Variants in GPR89A observed in about 807,000 individuals in gnomAD.
GPR89A encodes golgi pH regulator A.
In GPR89A, 16 loss-of-function variants were observed where a neutral mutation model predicts 52.0. That is an observed-to-expected ratio of 0.31 (90% CI 0.21 to 0.47). The LOEUF is 0.47. Ranked by LOEUF, GPR89A falls within the 20% of genes least tolerant of loss-of-function variation. The probability of loss-of-function intolerance (pLI) is 1.00; values close to 1 mark genes in which losing one functional copy is unlikely to be tolerated. For synonymous variants in GPR89A, 55 were observed against 150.9 expected, an observed-to-expected ratio of 0.36 and a Z score of 4.66; for missense variants, 135 against 449.4, an observed-to-expected ratio of 0.30 and a Z score of 6.33.
intron 3 of GPR89A, among the ~76,000 whole-genome samples, chr1:145,621,095 A>G (rs2101747223): frequency 6.6e-6 from 1 of 152,130 alleles, no homozygotes; most frequent in African/African-American, 2.4e-5. Flanking sequence ...CCTGTAGGGT[A>G]GCTTTTACTG....
intron 1 of GPR89A, among the ~76,000 whole-genome samples, chr1:145,613,818 G>A (rs1193952493): frequency 2.0e-5 from 3 of 150,972 alleles, no homozygotes; most frequent in Admixed American, 1.3e-4. Context: ...ACAGGGTTTC[G>A]CTCTGTCACC....
intron 1 of GPR89A, among the ~76,000 whole-genome samples, chr1:145,610,742 T>G (rs1232060390): frequency 6.6e-6 from 1 of 152,188 alleles, no homozygotes; most frequent in Non-Finnish European, 1.5e-5. Flanking sequence ...TGGCACATAT[T>G]AGGCACTAAT....
At chr1:145,608,205 G>T (rs587665457) in intron 1 of GPR89A, 30 bp downstream of exon 1, 12 of 1,613,592 alleles carry the variant, frequency 7.4e-6, no homozygotes, top group African/African-American at 1.3e-5. Context: ...CCCGACACCC[G>T]TCCGCCTCCC....
chr1:145,642,888 A>G (rs1471446974), intron 7 of GPR89A, among the ~76,000 whole-genome samples: 1 of 151,956 alleles, frequency 6.6e-6, no homozygotes, highest in Non-Finnish European at 1.5e-5. Context: ...GAGCTGGGAC[A>G]TGCCAGCAGC....
intron 11 of GPR89A, 151 bp downstream of exon 11, chr1:145,663,575 T>A: frequency 1.6e-6 from 1 of 632,416 alleles, no homozygotes; most frequent in Non-Finnish European, 2.8e-6. Context: ...ACATGGAAAA[T>A]TTTTATATTT....
chr1:145,661,318 A>AG (rs1652185102), intron 10 of GPR89A, among the ~76,000 whole-genome samples: 1 of 41,692 alleles, frequency 2.4e-5, no homozygotes, highest in Non-Finnish European at 4.1e-5. Flanking sequence ...GGGTGGGGGG[A>AG]GGGGGGAGGG....
intron 5 of GPR89A, among the ~76,000 whole-genome samples, chr1:145,625,971 T>C (rs1649470304): frequency 6.7e-6 from 1 of 150,354 alleles, no homozygotes; most frequent in African/African-American, 2.5e-5. Context: ...TTTGAATCAG[T>C]GGATGGAAGA....
intron 7 of GPR89A, among the ~76,000 whole-genome samples, chr1:145,632,469 A>G (rs1649947127): frequency 6.6e-6 from 1 of 152,062 alleles, no homozygotes; most frequent in Admixed American, 6.6e-5. Context: ...TCACTGTTTT[A>G]GATTCCACAT....
At chr1:145,663,767 C>A (rs782808867) in intron 11 of GPR89A, among the ~76,000 whole-genome samples, 116 of 152,272 alleles carry the variant, frequency 7.6e-4, no homozygotes, top group Non-Finnish European at 1.3e-3. Flanking sequence ...TCAAATACTT[C>A]TCTCTGTGAT....
chr1:145,666,525 TTAAG>T (rs1194187472), intron 12 of GPR89A, among the ~76,000 whole-genome samples: 1 of 152,084 alleles, frequency 6.6e-6, no homozygotes, highest in African/African-American at 2.4e-5. Context: ...ATAAATGGCA[TTAAG>T]TAAGGACCTA....
chr1:145,658,619 T>C (rs1481566707), intron 10 of GPR89A, among the ~76,000 whole-genome samples: 1 of 146,844 alleles, frequency 6.8e-6, no homozygotes, highest in Non-Finnish European at 1.5e-5. Context: ...AGAGCAAGAC[T>C]GTCTTAAAAA....
At chr1:145,650,870 T>G (rs587669519) in intron 10 of GPR89A, among the ~76,000 whole-genome samples, 4 of 152,360 alleles carry the variant, frequency 2.6e-5, no homozygotes, top group African/African-American at 7.2e-5. Context: ...TTTCTTTAAG[T>G]TCCTTGTAGA....
At chr1:145,610,597 A>G (rs1460802148) in intron 1 of GPR89A, among the ~76,000 whole-genome samples, 2 of 152,096 alleles carry the variant, frequency 1.3e-5, no homozygotes, top group Non-Finnish European at 2.9e-5. Context: ...ACCTACTGCC[A>G]TAGTACCCTT....
rs1399685638 is a variant in GPR89A, at chr1:145,608,972, C to T, written c.42+797C>T. On this transcript the variant is annotated intron_variant, in intron 1 of 13. Coordinates refer to ENST00000313835, the MANE Select transcript of GPR89A (RefSeq NM_001097612.2). ...TTTCTTCCTAGCATTCATCATAGCA[C>T]TGGCATCATTTATGTCTGTGTTTCT... Among the ~76,000 whole-genome samples the T allele has an allele frequency of 7.9e-5, 12 of 152,104 alleles. No homozygotes were observed. The East Asian group carries it at 2.1e-3, about 27-fold the overall frequency.
chr1:145,636,116 G>T (rs1321160555), intron 7 of GPR89A, among the ~76,000 whole-genome samples: 2 of 152,054 alleles, frequency 1.3e-5, no homozygotes, highest in South Asian at 2.1e-4. Flanking sequence ...AATGGTTTGT[G>T]GTCCGACAGT....
rs1652423447 is a variant in GPR89A, at chr1:145,664,509, A to T, written c.1006-1053A>T. ...TAGAAAAAATATAAAAATTAGCTGG[A>T]CATGGTGGCATGCACCTGTAGTCCC... is the stretch of plus-strand genomic sequence containing the variant. On this transcript the variant is annotated intron_variant, in intron 11 of 13. Coordinates refer to ENST00000313835, the MANE Select transcript of GPR89A (RefSeq NM_001097612.2). Among the ~76,000 whole-genome samples, 4 of 150,282 alleles carry T rather than the reference A, an allele frequency of 2.7e-5. No homozygotes were observed. The Admixed American group carries it at 2.7e-4, about 10-fold the overall frequency.
chr1:145,627,552 AC>A (rs1649593287), intron 5 of GPR89A, among the ~76,000 whole-genome samples: 1 of 152,246 alleles, frequency 6.6e-6, no homozygotes, highest in African/African-American at 2.4e-5. Flanking sequence ...ATTCAGCATT[AC>A]ACAAATATTT....
chr1:145,648,265 G>C (rs1232926423), intron 10 of GPR89A, among the ~76,000 whole-genome samples: 18 of 151,956 alleles, frequency 1.2e-4, no homozygotes, highest in Admixed American at 9.2e-4. Flanking sequence ...TGTGCAAAGA[G>C]GAGCTTTGTC....
At chr1:145,623,832 T>C (rs1446164200) in intron 5 of GPR89A, 118 bp downstream of exon 5, 1 of 771,326 alleles carries the variant, frequency 1.3e-6, no homozygotes, top group Non-Finnish European at 2.1e-6. Context: ...AATAATTTAT[T>C]AATTCACAGG....
Sources: gnomAD v4.1 joint callset for allele counts (sites outside exome capture counted in the v4.1 genomes callset) on GRCh38, gnomAD v4.1.1 for gene constraint, MANE v1.5 for transcripts, NCBI Gene and HGNC (gene_info 2026-07-23, HGNC 2026-07-21) for gene names.